Variants in PRSS53 observed in about 807,000 individuals in gnomAD.
PRSS53 encodes the protein serine protease 53.
A neutral mutation model predicts 62.7 loss-of-function variants in PRSS53; 54 were observed. The ratio of observed to expected loss-of-function variants is 0.86; its 90% CI spans 0.69 to 1.08. The LOEUF (loss-of-function observed/expected upper bound fraction) is 1.08, where lower values mean the gene tolerates loss of function less well. PRSS53 is among the 50% of genes least tolerant of loss of function. PRSS53 has a pLI of 0.00. For synonymous variants in PRSS53, 273 were observed against 300.0 expected (o/e 0.91, Z 0.93); for missense variants, 688 against 728.3 (o/e 0.94, Z 0.64).
intron 1 of PRSS53, chr16:31,088,195 A>C: frequency 8.3e-7 from 1 of 1,205,156 alleles, no homozygotes; most frequent in East Asian, 4.8e-5. Flanking sequence ...TTAGCAGCAG[A>C]GGCCTAAGAG....
chr16:31,084,101 G>T lies in PRSS53; in HGVS notation c.1642+18C>A. On this transcript the variant is annotated intron_variant, in intron 10 of 10. Coordinates refer to ENST00000280606, the Ensembl canonical transcript of PRSS53. ...CCTGGAGAGGCAGGGTTTGGCAGGA[G>T]GCCCCGGGGCCACATACTTATGTTG... is the stretch of plus-strand genomic sequence containing the variant. 2 of 1,556,384 alleles carry T rather than the reference G, an allele frequency of 1.3e-6. No individual in the cohort carries two copies. Among genetic ancestry groups the T allele is most frequent in the South Asian group, 2.4e-5 (2 of 84,526 alleles).
At chr16:31,086,657 C>T in exon 4 of PRSS53, 2 of 1,539,584 alleles carry the variant, frequency 1.3e-6, no homozygotes, top group East Asian at 2.3e-5. Flanking sequence ...TGATCCCAGC[C>T]AGTGGCCCAG....
exon 5 of PRSS53, chr16:31,086,432 T>C (rs1567417084): frequency 1.2e-6 from 2 of 1,614,072 alleles, no homozygotes; most frequent in Admixed American, 1.7e-5. Flanking sequence ...TGGTTGTAGA[T>C]ACAGTTACAT....
chr16:31,084,338 G>GT lies in PRSS53; in HGVS notation c.1426-4dup. 1 of 1,609,692 alleles carries GT rather than the reference G, an allele frequency of 6.2e-7. No individual in the cohort carries two copies. The highest frequency in any genetic ancestry group is 2.2e-5 in the East Asian group (1 of 44,834). ...ACCAGTGGTGCCCCAGACAGGCCCT[G>GT]TCAGGGGTCAGGTGACACTGGGTGA... is the stretch of plus-strand genomic sequence containing the variant. On this transcript the variant is annotated splice_region_variant and splice_polypyrimidine_tract_variant and intron_variant, in intron 9 of 10. Transcript: ENST00000280606.
exon 6 of PRSS53, chr16:31,085,975 T>C (rs749011318): frequency 1.9e-6 from 3 of 1,613,654 alleles, no homozygotes; most frequent in Non-Finnish European, 2.5e-6. Context: ...TACACAGCTG[T>C]CCTCATCACT....
At chr16:31,087,052 A>T in intron 3 of PRSS53, 154 bp from the exon 4 acceptor site, 1 of 755,698 alleles carries the variant, frequency 1.3e-6, no homozygotes, top group South Asian at 2.0e-5. Flanking sequence ...GCTGCAGTGC[A>T]GTGGCATGAC....
exon 11 of PRSS53, chr16:31,083,630 G>A: frequency 2.0e-6 from 3 of 1,513,446 alleles, no homozygotes; most frequent in Admixed American, 2.0e-5. Context: ...AGGGTGGGGA[G>A]TGGGCACCTG....
chr16:31,084,650 T>C, exon 9 of PRSS53: 1 of 1,610,044 alleles, frequency 6.2e-7, no homozygotes, highest in Non-Finnish European at 8.5e-7. Context: ...TGCAGCCGGC[T>C]GCAGGCCCTA....
At position 31,087,712 on chromosome 16, in the gene PRSS53, G is replaced by T. The variant is rs749839547; in HGVS notation, c.80-13C>A. The T allele has an allele frequency of 3.1e-6, 5 of 1,613,896 alleles. No individual in the cohort carries two copies. Among genetic ancestry groups the T allele is most frequent in the Admixed American group, 1.7e-5 (1 of 59,996 alleles). ...CGCTGTCCACAGGCTGTGGAAAGGAGTTAGTCACACTGACAGCAGATACCT... is the reference window on the plus strand; with the variant it reads ...CGCTGTCCACAGGCTGTGGAAAGGATTTAGTCACACTGACAGCAGATACCT... On this transcript the variant is annotated splice_polypyrimidine_tract_variant and intron_variant, in intron 2 of 10. Coordinates refer to ENST00000280606, the Ensembl canonical transcript of PRSS53.
chr16:31,086,588 GC>G, intron 4 of PRSS53, 44 bp downstream of exon 4: 3 of 1,548,114 alleles, frequency 1.9e-6, no homozygotes, highest in Non-Finnish European at 2.6e-6. Flanking sequence ...GTGACGCTGG[GC>G]AAGCAGAGTG....
exon 4 of PRSS53, chr16:31,086,646 C>G (rs964361756): frequency 1.9e-6 from 3 of 1,540,294 alleles, no homozygotes; most frequent in African/African-American, 2.7e-5. Flanking sequence ...CACTGGTGTC[C>G]TGATCCCAGC....
chr16:31,084,795 C>T (rs770029482), exon 8 of PRSS53: 2 of 1,548,674 alleles, frequency 1.3e-6, no homozygotes, highest in African/African-American at 2.7e-5. Flanking sequence ...CCTGGGCGGG[C>T]CCGTCCCAGA....
exon 11 of PRSS53, chr16:31,083,644 C>T: frequency 6.5e-7 from 1 of 1,531,300 alleles, no homozygotes. Flanking sequence ...GCACCTGTGG[C>T]CCCAGGCAGG....
exon 10 of PRSS53, chr16:31,084,226 G>A (rs2057202285): frequency 3.1e-6 from 5 of 1,611,916 alleles, no homozygotes; most frequent in African/African-American, 2.7e-5. Context: ...AGGGAGCGCG[G>A]TGAAGACCGC....
At chr16:31,086,027 C>A in exon 6 of PRSS53, 4 of 1,614,086 alleles carry the variant, frequency 2.5e-6, no homozygotes, top group Non-Finnish European at 3.4e-6. Context: ...AAAGCTGCCC[C>A]CTGAACTCGA....
At position 31,086,315 on chromosome 16, in the gene PRSS53, CCTT is replaced by C. The variant is rs1567416943; in HGVS notation, c.663+19_663+21del. On this transcript the variant is annotated intron_variant, in intron 5 of 10. Transcript: ENST00000280606. Reference sequence around the variant, plus strand: ...AGGGTTAGGCCCCTCCCCTTCTGCTCCTTCTCTTCTCCCTATCAGACCTGACAG... The same window carrying C: ...AGGGTTAGGCCCCTCCCCTTCTGCTCCTCTTCTCCCTATCAGACCTGACAG... The C allele has an allele frequency of 6.3e-7, 1 of 1,598,746 alleles. No individual in the cohort carries two copies. The highest frequency in any genetic ancestry group is 8.5e-7 in the Non-Finnish European group (1 of 1,170,764).
exon 4 of PRSS53, chr16:31,086,727 C>T (rs2057238120): frequency 1.9e-6 from 3 of 1,590,084 alleles, no homozygotes; most frequent in Non-Finnish European, 2.6e-6. Context: ...GTGTGTGGGT[C>T]GTGGGGTGGG....
chr16:31,084,915 CGTA>C lies in PRSS53; in HGVS notation c.1141_1143del (p.Tyr381del), dbSNP rs762579729. ...TGGGCCAGCAGCAGGAGGGCCATGT[CGTA>C]GCCCCCCTCAGGGTGGGTGTAGGCT... On this transcript the variant is annotated inframe_deletion, in exon 8 of 11. Transcript: ENST00000280606. 3.2e-5 allele frequency: 49 copies of C among 1,541,864 alleles called. 1 individual carries two copies. The South Asian group carries it at 5.5e-4, about 17-fold the overall frequency.
chr16:31,085,603 C>G (rs1455430559), intron 6 of PRSS53, among the ~76,000 whole-genome samples: 1 of 152,276 alleles, frequency 6.6e-6, no homozygotes, highest in South Asian at 2.1e-4. Flanking sequence ...CTCTTATCAT[C>G]AAGACATAAT....
Sources: allele counts gnomAD v4.1 joint callset (sites outside exome capture counted in the v4.1 genomes callset), GRCh38; gene constraint gnomAD v4.1.1; transcripts MANE v1.5; gene names NCBI Gene and HGNC (gene_info 2026-07-23, HGNC 2026-07-21).